ADAM19: variants seen among roughly 807,000 people sequenced by gnomAD.
The protein encoded by ADAM19 is disintegrin and metalloproteinase domain-containing protein 19.
Under a neutral mutation model 114.7 loss-of-function variants are expected in ADAM19, and 65 were observed. That is an observed-to-expected ratio of 0.57 (90% CI 0.46 to 0.70). The LOEUF (loss-of-function observed/expected upper bound fraction) is 0.70. Ranked by LOEUF, ADAM19 falls within the 30% of genes least tolerant of loss-of-function variation. The pLI, the probability that ADAM19 is intolerant of heterozygous loss-of-function variation, is 0.00. For missense variants in ADAM19, 1,063 were observed against 1,204.7 expected (o/e 0.88, Z 1.74); for synonymous variants, 466 against 460.5 (o/e 1.01, Z -0.15).
At chr5:157,499,773 CT>C (rs553103564) in intron 12 of ADAM19, 111 bp from the exon 13 acceptor site, 108,512 of 416,196 alleles carry the variant, frequency 0.26, 2,656 homozygotes, top group African/African-American at 0.36. Flanking sequence ...GCAACTATCT[CT>C]TTTTTTTTTT....
chr5:157,542,737 G>A (rs183058954), intron 3 of ADAM19, among the ~76,000 whole-genome samples: 102 of 152,288 alleles, frequency 6.7e-4, no homozygotes, highest in African/African-American at 2.2e-3. Flanking sequence ...CTCGGGAGGC[G>A]GAAGCTGCAG....
At chr5:157,569,737 T>C (rs1757771126) in intron 2 of ADAM19, among the ~76,000 whole-genome samples, 1 of 152,206 alleles carries the variant, frequency 6.6e-6, no homozygotes, top group Admixed American at 6.5e-5. Flanking sequence ...TCTTTCCTGC[T>C]ATAATCTTGC....
At chr5:157,508,380 G>A (rs903526200) in intron 9 of ADAM19, among the ~76,000 whole-genome samples, 5 of 152,182 alleles carry the variant, frequency 3.3e-5, no homozygotes, top group Admixed American at 6.5e-5. Context: ...AGGCCGAGGC[G>A]GGCGGATCAC....
intron 12 of ADAM19, among the ~76,000 whole-genome samples, chr5:157,500,129 T>C (rs1755513629): frequency 2.0e-5 from 3 of 152,230 alleles, no homozygotes; most frequent in Admixed American, 2.0e-4. Flanking sequence ...ACTAAGCTAA[T>C]GTGTACTTGT....
chr5:157,545,977 C>T (rs1372805963), intron 3 of ADAM19, among the ~76,000 whole-genome samples: 1 of 152,244 alleles, frequency 6.6e-6, no homozygotes, highest in Non-Finnish European at 1.5e-5. Flanking sequence ...TCAGGCCTTG[C>T]AGGCCCTGCA....
At position 157,480,969 on chromosome 5, in the gene ADAM19, T is replaced by C; in HGVS notation, c.2737A>G (p.Met913Val). Reference protein sequence around the residue: ...PEYRSQRAGGMISSKI With the variant: ...PEYRSQRAGGVISSKI ...CAGGTCTAGATTTTCGAGCTAATCA[T>C]CCCTCCAGCCCTCTGTGATCTGTAT... The change falls in exon 23 of 23, where the codon ATG becomes GTG. Residue 913 changes from methionine to valine, a missense_variant. By Grantham distance (21) the Met-to-Val change is conservative. Around this residue, in one of 3 missense-constraint regions of ADAM19, gnomAD observed 424 missense variants for 445.5 expected, o/e 0.95. Coordinates refer to ENST00000257527, the MANE Select transcript of ADAM19 (RefSeq NM_033274.5). The C allele has an allele frequency of 6.2e-7, 1 of 1,613,890 alleles. No homozygotes were observed. The highest frequency in any genetic ancestry group is 8.5e-7 in the Non-Finnish European group (1 of 1,179,978).
intron 3 of ADAM19, among the ~76,000 whole-genome samples, chr5:157,562,198 A>G (rs1261047063): frequency 6.6e-6 from 1 of 152,236 alleles, no homozygotes. Flanking sequence ...TTCAAAACAA[A>G]AAGCCCAATT....
chr5:157,502,277 G>C (rs1275600484), intron 12 of ADAM19, among the ~76,000 whole-genome samples: 1 of 152,210 alleles, frequency 6.6e-6, no homozygotes, highest in Non-Finnish European at 1.5e-5. Flanking sequence ...CACACTCACT[G>C]TGAAGATCAG....
intron 15 of ADAM19, 137 bp downstream of exon 15, chr5:157,494,550 T>G (rs530284739): frequency 3.1e-6 from 2 of 645,808 alleles, no homozygotes; most frequent in South Asian, 3.7e-5. Flanking sequence ...GGGCCGAGAA[T>G]AGATGACTGA....
chr5:157,548,905 A>G (rs1757117827), intron 3 of ADAM19, among the ~76,000 whole-genome samples: 1 of 152,214 alleles, frequency 6.6e-6, no homozygotes, highest in African/African-American at 2.4e-5. Context: ...GAGAAGGCCG[A>G]AAGAGCCTCT....
intron 1 of ADAM19, 83 bp from the exon 2 acceptor site, chr5:157,571,063 C>T: frequency 8.5e-7 from 1 of 1,175,142 alleles, no homozygotes; most frequent in Non-Finnish European, 1.2e-6. Flanking sequence ...TGTGAGCTGC[C>T]CCTGCACTGG....
intron 7 of ADAM19, 152 bp downstream of exon 7, chr5:157,518,671 G>A (rs566046792): frequency 8.2e-5 from 62 of 752,520 alleles, no homozygotes; most frequent in Middle Eastern, 3.3e-4. Context: ...GGCGTGAGCC[G>A]CCGCGCCCAG....
intron 3 of ADAM19, among the ~76,000 whole-genome samples, chr5:157,558,869 G>A (rs1023517568): frequency 5.9e-5 from 9 of 152,184 alleles, no homozygotes; most frequent in Non-Finnish European, 1.3e-4. Flanking sequence ...AATTCCACCA[G>A]TATTATGCAA....
chr5:157,489,723 T>C (rs1168500907), intron 19 of ADAM19, among the ~76,000 whole-genome samples: 1 of 152,230 alleles, frequency 6.6e-6, no homozygotes, highest in Non-Finnish European at 1.5e-5. Flanking sequence ...TGGTGGCTCA[T>C]GCTTGTAATC....
chr5:157,575,316 G>A (rs1247299373), intron 1 of ADAM19, among the ~76,000 whole-genome samples: 1 of 152,250 alleles, frequency 6.6e-6, no homozygotes, highest in Non-Finnish European at 1.5e-5. Context: ...GGCGGAAAGA[G>A]AAGCCAAAAG....
At chr5:157,539,633 G>C (rs1483683315) in intron 3 of ADAM19, among the ~76,000 whole-genome samples, 1 of 152,176 alleles carries the variant, frequency 6.6e-6, no homozygotes, top group Non-Finnish European at 1.5e-5. Flanking sequence ...ATAAAGCAAA[G>C]CACAAACCCC....
chr5:157,560,423 T>C lies in ADAM19; in HGVS notation c.251+3950A>G, dbSNP rs114660249. On this transcript the variant is annotated intron_variant, in intron 3 of 22. Transcript: ENST00000257527. ...TCATATCATCTGTCTCTGAGGTCAA[T>C]GCTATGTCCACTGTACCACACTGCC... Among the ~76,000 whole-genome samples the C allele has an allele frequency of 2.5e-3, 387 of 152,300 alleles. 1 individual carries two copies. The highest frequency in any genetic ancestry group is 8.9e-3 in the African/African-American group (370 of 41,562).
chr5:157,483,776 G>A (rs1754838053), intron 21 of ADAM19, among the ~76,000 whole-genome samples: 1 of 151,846 alleles, frequency 6.6e-6, no homozygotes, highest in Non-Finnish European at 1.5e-5. Flanking sequence ...TGGGATTACA[G>A]GCACCCACCA....
At chr5:157,506,100 A>AT (rs1755733381) in intron 10 of ADAM19, among the ~76,000 whole-genome samples, 1 of 152,286 alleles carries the variant, frequency 6.6e-6, no homozygotes, top group Admixed American at 6.5e-5. Flanking sequence ...AAAGAGGAAG[A>AT]TTTTTCCCCA....
Sources: gnomAD v4.1 joint callset for allele counts (sites outside exome capture counted in the v4.1 genomes callset) on GRCh38, gnomAD v4.1.1 for gene constraint, gnomAD v4.1.1 regional missense constraint, MANE v1.5 for transcripts, NCBI Gene and HGNC (gene_info 2026-07-23, HGNC 2026-07-21) for gene names.